Variants in AATK observed in about 807,000 individuals in gnomAD.
AATK encodes the protein lemur tail kinase 1.
A neutral mutation model predicts 114.3 loss-of-function variants in AATK; 91 were observed. The ratio of observed to expected loss-of-function variants is 0.80; its 90% CI spans 0.67 to 0.95. The LOEUF (loss-of-function observed/expected upper bound fraction) is 0.95, where lower values mean the gene tolerates loss of function less well. AATK is among the 40% of genes least tolerant of loss of function. The probability of loss-of-function intolerance (pLI) is 0.00; values close to 1 mark genes in which losing one functional copy is unlikely to be tolerated. For missense variants in AATK, 2,176 were observed against 1,965.2 expected (o/e 1.11, Z -2.03); for synonymous variants, 1,075 against 916.5 (o/e 1.17, Z -3.12).
At chr17:81,160,567 G>C (rs981255684) in intron 1 of AATK, among the ~76,000 whole-genome samples, 1 of 152,238 alleles carries the variant, frequency 6.6e-6, no homozygotes, top group Non-Finnish European at 1.5e-5. Context: ...GGGCCCAGAC[G>C]CCAAAGCCCT....
At position 81,121,778 on chromosome 17, in the gene AATK, C is replaced by G; in HGVS notation, c.2158G>C (p.Glu720Gln). Reference sequence around the variant, plus strand: ...AGAGGCTCTCCAGGGTACCCCGGCTCGGGGGAGGCCCGTGGGGTCTGCTTT... The same window carrying G: ...AGAGGCTCTCCAGGGTACCCCGGCTGGGGGGAGGCCCGTGGGGTCTGCTTT... ...SPKQTPRASP[E>Q]PGYPGEPLLG... Residue 720 changes from glutamate to glutamine, a missense_variant, in exon 11 of 14, where the codon GAG (glutamate) becomes CAG (glutamine). Around this residue, in one of 4 missense-constraint regions of AATK, gnomAD observed 1,701 missense variants for 1,394.7 expected, o/e 1.22. Transcript: ENST00000326724. The G allele has an allele frequency of 1.3e-6, 2 of 1,545,456 alleles. No homozygotes were observed. The highest frequency in any genetic ancestry group is 1.2e-5 in the South Asian group (1 of 85,482).
At chr17:81,150,163 A>T (rs1233786377) in intron 1 of AATK, among the ~76,000 whole-genome samples, 1 of 152,006 alleles carries the variant, frequency 6.6e-6, no homozygotes, top group African/African-American at 2.4e-5. Flanking sequence ...GCTGATGAGA[A>T]TGTTCTGGAA....
chr17:81,160,270 C>T (rs932628940), intron 1 of AATK: 20 of 985,152 alleles, frequency 2.0e-5, no homozygotes, highest in African/African-American at 3.5e-5. Flanking sequence ...TGGCTCTGAC[C>T]GTGGCTGTAA....
chr17:81,119,773 A>G (rs1466766710), intron 12 of AATK, among the ~76,000 whole-genome samples, 163 bp downstream of exon 12: 1 of 146,662 alleles, frequency 6.8e-6, no homozygotes, highest in Non-Finnish European at 1.5e-5. Context: ...GACGTCACGT[A>G]CCAGACCCGC....
In AATK at chr17:81,118,201, CTG is replaced by C. The variant is rs2060592084; in HGVS notation, c.*199_*200del. 1.7e-6 allele frequency: 1 copy of C among 592,142 alleles called. No individual in the cohort carries two copies. The highest frequency in any genetic ancestry group is 3.0e-6 in the Non-Finnish European group (1 of 336,094). 36.7% of individuals were successfully genotyped at this position (592,142 alleles called of 1,614,324 possible). A position where few individuals can be genotyped will look rare whatever the true frequency, so the allele number is the denominator to read the frequency against. On this transcript the variant is annotated 3_prime_UTR_variant, in exon 14 of 14. Coordinates refer to ENST00000326724, the MANE Select transcript of AATK (RefSeq NM_001080395.3). The stretch of plus-strand genomic sequence containing the variant: ...CTAAAAGCCCAGACGAATTCTGCCT[CTG>C]GGGCGGAGCATGGCCGATCTACCAT...
intron 1 of AATK, among the ~76,000 whole-genome samples, chr17:81,137,250 T>A (rs1285747358): frequency 7.3e-6 from 1 of 136,348 alleles, no homozygotes; most frequent in African/African-American, 2.8e-5. Flanking sequence ...AGAGTAAGAC[T>A]CCGCCTTAAA....
chr17:81,147,332 G>C (rs2061235322), intron 1 of AATK, among the ~76,000 whole-genome samples: 1 of 146,360 alleles, frequency 6.8e-6, no homozygotes, highest in African/African-American at 2.6e-5. Flanking sequence ...CTGCACTCCA[G>C]CCTGGGTGAC....
chr17:81,128,883 G>A (rs2060888542), intron 3 of AATK: 5 of 1,167,282 alleles, frequency 4.3e-6, no homozygotes, highest in African/African-American at 1.6e-5. Context: ...GGCAGGCAGT[G>A]TGGCTGAGCA....
intron 1 of AATK, among the ~76,000 whole-genome samples, chr17:81,139,533 A>G (rs1272847533): frequency 1.3e-5 from 2 of 152,242 alleles, no homozygotes; most frequent in African/African-American, 4.8e-5. Flanking sequence ...GGTGTCCCCC[A>G]GGCTCTTCCA....
rs2060726162 is a variant in AATK, at chr17:81,123,350, G to A, written c.963-7C>T. On this transcript the variant is annotated splice_region_variant and splice_polypyrimidine_tract_variant and intron_variant, in intron 9 of 13. Transcript: ENST00000326724. ...GATGGTCACGCCCAGGGACCTGTGGGGCGACAGCCGTGAGCCAGGGCTGGG... is the reference window on the plus strand; with the variant it reads ...GATGGTCACGCCCAGGGACCTGTGGAGCGACAGCCGTGAGCCAGGGCTGGG... 2.9e-6 allele frequency: 4 copies of A among 1,361,640 alleles called. No homozygotes were observed. In the South Asian group the frequency reaches 5.3e-5, roughly 18 times the overall value. The allele number at this position is 1,361,640 out of a possible 1,614,324, so 84.3% of individuals were successfully genotyped here. A position where few individuals can be genotyped will look rare whatever the true frequency, so the allele number is the denominator to read the frequency against.
rs1276316403 is a variant in AATK at position 81,120,036 on chromosome 17, T to A, written c.3783A>T (p.Glu1261Asp). 2.8e-6 allele frequency: 4 copies of A among 1,453,788 alleles called. No homozygotes were observed. The Admixed American group carries it at 9.0e-5, about 33-fold the overall frequency. The allele number at this position is 1,453,788 out of a possible 1,614,324, so 90.1% of individuals were successfully genotyped here. A position where few individuals can be genotyped will look rare whatever the true frequency, so the allele number is the denominator to read the frequency against. Residue 1261 changes from glutamate to aspartate, a missense_variant, in exon 12 of 14, where the codon GAA becomes GAT. By Grantham distance (45) the Glu-to-Asp change is conservative. Coordinates refer to ENST00000326724, the MANE Select transcript of AATK (RefSeq NM_001080395.3). ...ELGEPFPGAK[E>D]SPPTFLRGSP... ...TCCCCCTAAGGAACGTAGGGGGCGA[T>A]TCCTTGGCGCCCGGGAAGGGCTCCC... is the stretch of plus-strand genomic sequence containing the variant.
chr17:81,124,383 C>T (rs1458585022), intron 9 of AATK, among the ~76,000 whole-genome samples: 2 of 152,308 alleles, frequency 1.3e-5, no homozygotes, highest in South Asian at 4.1e-4. Context: ...GCCCGACCTA[C>T]GCTCCCGTGA....
intron 1 of AATK, among the ~76,000 whole-genome samples, chr17:81,138,968 C>T (rs531926296): frequency 3.4e-4 from 52 of 151,518 alleles, no homozygotes; most frequent in African/African-American, 9.2e-4. Flanking sequence ...CACGTGCGCG[C>T]GCACCCACAC....
chr17:81,138,479 ACATGCATG>A (rs2061061112), intron 1 of AATK, among the ~76,000 whole-genome samples: 1 of 147,840 alleles, frequency 6.8e-6, no homozygotes, highest in South Asian at 2.2e-4. Context: ...CCACATGCAC[ACATGCATG>A]CACACACACC....
chr17:81,134,757 C>A (rs1333446254), intron 1 of AATK, among the ~76,000 whole-genome samples: 2 of 152,232 alleles, frequency 1.3e-5, no homozygotes, highest in African/African-American at 4.8e-5. Context: ...CCAGAGCCTG[C>A]CCAGTTCCCA....
Position 81,119,829 on chromosome 17 carries a change from A to G in AATK, c.3883+107T>C, listed in dbSNP as rs897230170. 2.9e-6 allele frequency: 4 copies of G among 1,357,178 alleles called. No individual in the cohort carries two copies. The African/African-American group carries it at 4.8e-5, about 16-fold the overall frequency. 84.1% of individuals were successfully genotyped at this position (1,357,178 alleles called of 1,614,324 possible). A position where few individuals can be genotyped will look rare whatever the true frequency, so the allele number is the denominator to read the frequency against. On this transcript the variant is annotated intron_variant, in intron 12 of 13. Transcript: ENST00000326724. ...AAAGCCCGCCTCCCACGCGTCAAGG[A>G]CCAGGTGCTCCTCCCATGATGTCAC...
At chr17:81,132,899 T>TG in intron 2 of AATK, 2 of 246,184 alleles carry the variant, frequency 8.1e-6, no homozygotes, top group South Asian at 7.2e-5. Context: ...GAGGAGGAGC[T>TG]ATGGCCAGCC....
At position 81,122,503 on chromosome 17, in the gene AATK, T is replaced by C; in HGVS notation, c.1433A>G (p.Glu478Gly). Residue 478 changes from glutamate (E) to glycine (G), a missense_variant, in exon 11 of 14, where the codon GAG becomes GGG. Physicochemically the swap from Glu to Gly is moderately conservative, Grantham distance 98 (BLOSUM62 -2). This residue lies in a region of AATK where 1,701 missense variants were observed against 1,394.7 expected (regional missense o/e 1.22). Transcript: ENST00000326724. ...GCCGCGGCCCGCCTCCCACTTGTAC[T>C]CAAAATTGAGGCCTCGGCTGGTCTC... Reference protein sequence around the residue: ...VTETSRGLNFEYKWEAGRGAE... With the variant: ...VTETSRGLNFGYKWEAGRGAE... 6.8e-7 allele frequency: 1 copy of C among 1,472,912 alleles called. No individual in the cohort carries two copies. The highest frequency in any genetic ancestry group is 9.0e-7 in the Non-Finnish European group (1 of 1,107,540). 91.2% of individuals were successfully genotyped at this position (1,472,912 alleles called of 1,614,324 possible). A position where few individuals can be genotyped will look rare whatever the true frequency, so the allele number is the denominator to read the frequency against.
intron 3 of AATK, among the ~76,000 whole-genome samples, chr17:81,130,421 G>A (rs762328014): frequency 6.6e-5 from 10 of 152,142 alleles, no homozygotes; most frequent in South Asian, 2.1e-4. Flanking sequence ...GTGAGTGGTC[G>A]GCCTAGGACC....
Sources: gnomAD v4.1 joint callset for allele counts (sites outside exome capture counted in the v4.1 genomes callset) on GRCh38, gnomAD v4.1.1 for gene constraint, gnomAD v4.1.1 regional missense constraint, MANE v1.5 for transcripts, NCBI Gene and HGNC (gene_info 2026-07-23, HGNC 2026-07-21) for gene names.